RALGPS1: variants seen among roughly 807,000 people sequenced by gnomAD.
The protein encoded by RALGPS1 is Ral GEF with PH domain and SH3 binding motif 1, also known as ras-specific guanine nucleotide-releasing factor RalGPS1.
Under a neutral mutation model 78.8 loss-of-function variants are expected in RALGPS1, and 19 were observed. That is an observed-to-expected ratio of 0.24 (90% confidence interval 0.17 to 0.35). The LOEUF (loss-of-function observed/expected upper bound fraction) is 0.35, where lower values mean the gene tolerates loss of function less well. Among genes scored for constraint, RALGPS1 ranks in the 10% least tolerant of loss-of-function variants. RALGPS1 has a pLI of 1.00. For missense variants in RALGPS1, 454 were observed against 688.3 expected (o/e 0.66, Z 3.81); for synonymous variants, 228 against 256.3 (o/e 0.89, Z 1.06).
At chr9:126,994,544 C>T (rs557574500) in intron 4 of RALGPS1, among the ~76,000 whole-genome samples, 2 of 152,302 alleles carry the variant, frequency 1.3e-5, no homozygotes, top group African/African-American at 4.8e-5. Flanking sequence ...AAGACCAAAT[C>T]TACGTCTGAT....
intron 14 of RALGPS1, among the ~76,000 whole-genome samples, chr9:127,202,477 C>T (rs1007396743): frequency 2.0e-5 from 3 of 152,086 alleles, no homozygotes; most frequent in East Asian, 1.9e-4. Context: ...GTACTGCCCT[C>T]GGTGGGAATG....
rs2062788808 is a variant in RALGPS1, at chr9:127,222,136, C to A, written c.*3367C>A. Reference sequence around the variant, plus strand: ...TAGCAAGTGCTGCCTATGCTGAGAACAAGTCAGATCTGATCCCTGCCCTCA... The same window carrying A: ...TAGCAAGTGCTGCCTATGCTGAGAAAAAGTCAGATCTGATCCCTGCCCTCA... On this transcript the variant is annotated 3_prime_UTR_variant, in exon 19 of 19. Coordinates refer to ENST00000259351, the MANE Select transcript of RALGPS1 (RefSeq NM_014636.3). The A allele has an allele frequency of 6.6e-6, 1 of 152,250 alleles. No homozygotes were observed. The highest frequency in any genetic ancestry group is 2.4e-5 in the African/African-American group (1 of 41,452). The allele number at this position is 152,250 out of a possible 1,614,324, so 9.4% of individuals were successfully genotyped here.
intron 4 of RALGPS1, among the ~76,000 whole-genome samples, chr9:127,033,905 G>A (rs1589129632): frequency 6.6e-6 from 1 of 152,206 alleles, no homozygotes; most frequent in East Asian, 1.9e-4. Context: ...TTGGTTATAT[G>A]AGGGATTGGA....
intron 8 of RALGPS1, chr9:127,107,961 A>T (rs780531484): frequency 6.4e-7 from 1 of 1,560,098 alleles, no homozygotes; most frequent in Admixed American, 1.8e-5. Flanking sequence ...GAGTGGGCAT[A>T]GTGGGCAGAG....
chr9:126,958,142 A>AAAAAAAAAATATAT lies in RALGPS1; in HGVS notation c.-65-4082_-65-4081insAAAAAAAATATATA, dbSNP rs113413659. ...CTGTCTCTTTAAAAAAAAAAAAAAA[A>AAAAAAAAAATATAT]ATATATATATATATATACACACACA... On this transcript the variant is annotated intron_variant, in intron 1 of 18. Transcript: ENST00000259351. Among the ~76,000 whole-genome samples, 474 of 76,584 alleles carry AAAAAAAAAATATAT rather than the reference A, an allele frequency of 6.2e-3. 5 individuals are homozygous for AAAAAAAAAATATAT. Among genetic ancestry groups the AAAAAAAAAATATAT allele is most frequent in the Admixed American group, 9.4e-3 (63 of 6,690 alleles). 50.2% of individuals were successfully genotyped at this position (76,584 alleles called of 152,430 possible).
At chr9:127,066,735 A>G (rs1372755263) in intron 7 of RALGPS1, among the ~76,000 whole-genome samples, 3 of 152,156 alleles carry the variant, frequency 2.0e-5, no homozygotes, top group Admixed American at 6.5e-5. Context: ...CAAATTTCTC[A>G]TCCTTAAGTG....
intron 8 of RALGPS1, among the ~76,000 whole-genome samples, chr9:127,164,395 G>T (rs956376535): frequency 6.6e-6 from 1 of 151,512 alleles, no homozygotes; most frequent in Non-Finnish European, 1.5e-5. Flanking sequence ...ACCACCACAC[G>T]TGACTAATTC....
At chr9:126,926,322 T>C (rs2035276671) in intron 1 of RALGPS1, among the ~76,000 whole-genome samples, 1 of 152,164 alleles carries the variant, frequency 6.6e-6, no homozygotes, top group Admixed American at 6.5e-5. Flanking sequence ...TACATAATGA[T>C]AATACAGTGT....
At chr9:126,990,143 G>A in intron 4 of RALGPS1, 1 of 931,280 alleles carries the variant, frequency 1.1e-6, no homozygotes, top group Non-Finnish European at 1.6e-6. Context: ...CCTCGGAGAG[G>A]GAAGAATGTG....
At chr9:127,039,982 G>A (rs1192176860) in intron 5 of RALGPS1, among the ~76,000 whole-genome samples, 1 of 152,226 alleles carries the variant, frequency 6.6e-6, no homozygotes, top group Non-Finnish European at 1.5e-5. Flanking sequence ...TTCTCTAGTT[G>A]CACTTCTCAG....
chr9:127,218,542 C>T lies in RALGPS1; in HGVS notation c.1645-198C>T, dbSNP rs1447648110. On this transcript the variant is annotated intron_variant, in intron 18 of 18. Transcript: ENST00000259351. This position sits in a 1 kb window ranked among gnomAD's most constrained non-coding sequence, Gnocchi z 4.4. Reference sequence around the variant, plus strand: ...TGAGGACTCAAGAACGCAGTGCATGCGGTGGATTCAGAGCAGTGCCTGGCA... The same window carrying T: ...TGAGGACTCAAGAACGCAGTGCATGTGGTGGATTCAGAGCAGTGCCTGGCA... Among the ~76,000 whole-genome samples, 5 of 152,166 alleles carry T rather than the reference C, an allele frequency of 3.3e-5. No individual in the cohort carries two copies. Among genetic ancestry groups the T allele is most frequent in the South Asian group, 2.1e-4 (1 of 4,826 alleles).
chr9:127,131,762 A>G (rs2057020022), intron 8 of RALGPS1, among the ~76,000 whole-genome samples: 1 of 152,130 alleles, frequency 6.6e-6, no homozygotes, highest in South Asian at 2.1e-4. Context: ...GTCCAGAACT[A>G]TTGTGAAGGT....
chr9:127,168,540 A>G, intron 9 of RALGPS1, 139 bp from the exon 10 acceptor site: 1 of 678,760 alleles, frequency 1.5e-6, no homozygotes, highest in South Asian at 1.8e-5. Flanking sequence ...CCAGTCCCCA[A>G]AGAGCATCAG....
intron 8 of RALGPS1, among the ~76,000 whole-genome samples, chr9:127,090,391 G>A (rs1379877430): frequency 5.3e-5 from 8 of 152,254 alleles, no homozygotes; most frequent in Non-Finnish European, 1.0e-4. Context: ...AGAAGCCTCG[G>A]CAGCCCCTAC....
At chr9:126,973,087 G>A (rs1460131894) in intron 3 of RALGPS1, among the ~76,000 whole-genome samples, 4 of 152,070 alleles carry the variant, frequency 2.6e-5, no homozygotes, top group East Asian at 1.9e-4. Flanking sequence ...TATGTATCAG[G>A]TTGAGCATGG....
intron 1 of RALGPS1, among the ~76,000 whole-genome samples, chr9:126,936,849 CT>C (rs35671235): frequency 0.031 from 4,441 of 142,426 alleles, 59 homozygotes; most frequent in Middle Eastern, 0.051. Flanking sequence ...GGAACGGCAC[CT>C]TTTTTTTTTT....
At chr9:127,051,406 C>G (rs1048668151) in intron 6 of RALGPS1, among the ~76,000 whole-genome samples, 30 of 152,164 alleles carry the variant, frequency 2.0e-4, no homozygotes, top group African/African-American at 6.3e-4. Context: ...CCCTTCCTTT[C>G]TCTGGGCCTT....
At chr9:127,179,269 G>A (rs182627887) in intron 11 of RALGPS1, among the ~76,000 whole-genome samples, 7 of 152,324 alleles carry the variant, frequency 4.6e-5, no homozygotes, top group Admixed American at 2.0e-4. Context: ...AGACACACTC[G>A]GGGGTCCCAG....
intron 8 of RALGPS1, among the ~76,000 whole-genome samples, chr9:127,134,313 A>G (rs1049299245): frequency 1.3e-5 from 2 of 152,194 alleles, no homozygotes; most frequent in African/African-American, 2.4e-5. Flanking sequence ...CCATTCCACA[A>G]AATACATGTT....
Sources: gnomAD v4.1 joint callset for allele counts (sites outside exome capture counted in the v4.1 genomes callset) on GRCh38, gnomAD v4.1.1 for gene constraint, Gnocchi (gnomAD v3.1) non-coding constraint, MANE v1.5 for transcripts, NCBI Gene and HGNC (gene_info 2026-07-23, HGNC 2026-07-21) for gene names.